The following RNF17 variants were observed in gnomAD, a reference collection of about 807,000 sequenced individuals.
RNF17 encodes the protein spermatogenesis associated 23.
A neutral mutation model predicts 200.5 loss-of-function variants in RNF17; 31 were observed. The ratio of observed to expected loss-of-function variants is 0.15; its 90% CI spans 0.12 to 0.21. The LOEUF (loss-of-function observed/expected upper bound fraction) is 0.21. RNF17 is among the 10% of genes least tolerant of loss of function. RNF17 has a pLI of 1.00. For synonymous variants in RNF17, 606 were observed against 637.8 expected, an observed-to-expected ratio of 0.95 and a Z score of 0.75; for missense variants, 1,628 against 1,905.1, an observed-to-expected ratio of 0.85 and a Z score of 2.71.
rs1893224692 is a variant in RNF17 at position 24,862,766 on chromosome 13, A to G, written c.3948A>G (p.Ser1316=). ...DAIEVLQQLL[S]KRQVDIHIME... is the part of the protein sequence containing the mutation. ...TAGAAGTTCTTCAACAACTGCTTTC[A>G]AAGAGACAGGTGGACATTCACATTA... The change falls in exon 28 of 36, where the codon TCA becomes TCG. Residue 1316 remains serine, a synonymous_variant. Coordinates refer to ENST00000255324, the MANE Select transcript of RNF17 (RefSeq NM_031277.3). The G allele has an allele frequency of 6.2e-7, 1 of 1,606,218 alleles. No homozygotes were observed. The highest frequency in any genetic ancestry group is 1.3e-5 in the African/African-American group (1 of 74,936).
chr13:24,754,594 T>G, the RNF17 span, among the ~76,000 whole-genome samples: 1 of 152,136 alleles, frequency 6.6e-6, no homozygotes, highest in East Asian at 1.9e-4. Flanking sequence ...GAATGTATTA[T>G]TCAATAAAGA....
the RNF17 span, among the ~76,000 whole-genome samples, chr13:24,753,361 T>A: frequency 6.6e-6 from 1 of 152,206 alleles, no homozygotes; most frequent in South Asian, 2.1e-4. Flanking sequence ...TGATACTTAA[T>A]AAACAATCTA....
intron 18 of RNF17, among the ~76,000 whole-genome samples, chr13:24,841,788 G>A (rs1052251353): frequency 2.0e-5 from 3 of 151,934 alleles, no homozygotes; most frequent in African/African-American, 2.4e-5. Flanking sequence ...GTGAAACCCC[G>A]TCTCTACTAA....
chr13:24,884,727 A>T (rs992195314), downstream of RNF17, among the ~76,000 whole-genome samples: 2 of 152,216 alleles, frequency 1.3e-5, no homozygotes, highest in Non-Finnish European at 1.5e-5. Flanking sequence ...TGTACAGGAA[A>T]GTCTAACTAC....
the RNF17 span, among the ~76,000 whole-genome samples, chr13:24,750,260 C>T: frequency 2.0e-5 from 3 of 152,066 alleles, no homozygotes; most frequent in Non-Finnish European, 4.4e-5. Flanking sequence ...TTTAACATTC[C>T]TTTTTGTTTG....
intron 31 of RNF17, among the ~76,000 whole-genome samples, chr13:24,870,148 G>A (rs1004058585): frequency 3.3e-5 from 5 of 151,812 alleles, no homozygotes; most frequent in African/African-American, 4.8e-5. Flanking sequence ...AGGTTTCACC[G>A]TGTTAGCCAG....
the RNF17 span, among the ~76,000 whole-genome samples, chr13:24,753,244 T>C: frequency 7.2e-5 from 11 of 152,328 alleles, no homozygotes; most frequent in South Asian, 4.1e-4. Context: ...TAAATTTTCA[T>C]GTGAAGAAGA....
intron 11 of RNF17, 35 bp from the exon 12 acceptor site, chr13:24,799,360 A>G (rs1300489868): frequency 2.0e-6 from 3 of 1,515,580 alleles, no homozygotes; most frequent in Non-Finnish European, 2.7e-6. Context: ...TTTATTGATA[A>G]ATGTTTATAA....
intron 18 of RNF17, among the ~76,000 whole-genome samples, chr13:24,833,674 T>C (rs1456892462): frequency 6.6e-6 from 1 of 152,234 alleles, no homozygotes; most frequent in Admixed American, 6.5e-5. Context: ...GTGGCATAGT[T>C]ATTAACTTAG....
downstream of RNF17, among the ~76,000 whole-genome samples, chr13:24,881,823 G>GATACATCTATATAGATAT (rs1438842828): frequency 1.3e-4 from 17 of 131,306 alleles, no homozygotes; most frequent in South Asian, 2.4e-4. Context: ...TATCTATATA[G>GATACATCTATATAGATAT]ATACATCTAT....
chr13:24,863,808 C>T (rs1893346662), intron 28 of RNF17, among the ~76,000 whole-genome samples: 1 of 152,166 alleles, frequency 6.6e-6, no homozygotes, highest in African/African-American at 2.4e-5. Flanking sequence ...GCAAAGGCTG[C>T]CAGGTGTCTC....
At chr13:24,792,901 C>A (rs946721672) in intron 9 of RNF17, 141 bp from the exon 10 acceptor site, 26 of 570,576 alleles carry the variant, frequency 4.6e-5, no homozygotes, top group Non-Finnish European at 7.8e-5. Context: ...GGATAAATAA[C>A]TGGCAGTGGG....
intron 33 of RNF17, among the ~76,000 whole-genome samples, chr13:24,875,851 T>A (rs867228076): frequency 7.9e-5 from 12 of 152,306 alleles, no homozygotes; most frequent in East Asian, 1.9e-4. Context: ...TGACAACATC[T>A]TCTTCTTTTG....
intron 15 of RNF17, among the ~76,000 whole-genome samples, chr13:24,815,274 T>A (rs1419886700): frequency 6.6e-6 from 1 of 152,246 alleles, no homozygotes; most frequent in African/African-American, 2.4e-5. Context: ...CTCAAGTTTA[T>A]TCTTAATTCT....
chr13:24,881,899 T>G (rs202034222), downstream of RNF17, among the ~76,000 whole-genome samples: 400 of 60,440 alleles, frequency 6.6e-3, 14 homozygotes, highest in African/African-American at 0.019. Flanking sequence ...GATACATCTA[T>G]ATAGATATAT....
At chr13:24,773,681 C>A (rs1182881627) in intron 2 of RNF17, among the ~76,000 whole-genome samples, 1 of 152,106 alleles carries the variant, frequency 6.6e-6, no homozygotes, top group African/African-American at 2.4e-5. Context: ...GTACACGTAC[C>A]CCTTGAATCT....
chr13:24,876,403 A>C (rs1209220302), intron 33 of RNF17, among the ~76,000 whole-genome samples: 1 of 152,192 alleles, frequency 6.6e-6, no homozygotes, highest in Non-Finnish European at 1.5e-5. Flanking sequence ...GTATACATTT[A>C]TCTCTTTGAG....
intron 15 of RNF17, among the ~76,000 whole-genome samples, chr13:24,807,077 T>G (rs945539840): frequency 2.0e-5 from 3 of 151,714 alleles, no homozygotes; most frequent in Non-Finnish European, 4.4e-5. Context: ...GTTCCAAGTC[T>G]TTGCTATCAT....
intron 17 of RNF17, 69 bp downstream of exon 17, chr13:24,830,668 T>A: frequency 1.8e-6 from 2 of 1,083,012 alleles, no homozygotes; most frequent in Non-Finnish European, 2.8e-6. Context: ...TTAGAAGCTA[T>A]TGTCATCATA....
Sources: gnomAD v4.1 joint callset for allele counts (sites outside exome capture counted in the v4.1 genomes callset) on GRCh38, gnomAD v4.1.1 for gene constraint, MANE v1.5 for transcripts, NCBI Gene and HGNC (gene_info 2026-07-23, HGNC 2026-07-21) for gene names.